Variants in TTLL12 observed in about 807,000 individuals in gnomAD.
TTLL12 encodes tubulin--tyrosine ligase-like protein 12.
TTLL12 carries 77 observed loss-of-function variants against 79.6 expected under a neutral mutation model. The ratio of observed to expected loss-of-function variants is 0.97; its 90% CI spans 0.81 to 1.17. The LOEUF is 1.17. TTLL12 is among the 50% of genes most tolerant of loss of function. The pLI, the probability that TTLL12 is intolerant of heterozygous loss-of-function variation, is 0.00. For synonymous variants in TTLL12, 437 were observed against 376.1 expected (o/e 1.16, Z -1.87); for missense variants, 969 against 895.9 (o/e 1.08, Z -1.04).
chr22:43,177,892 A>C (rs1569485571), intron 5 of TTLL12, among the ~76,000 whole-genome samples: 1 of 152,230 alleles, frequency 6.6e-6, no homozygotes, highest in Non-Finnish European at 1.5e-5. Flanking sequence ...GCTAATCAAC[A>C]TAGGCAACCC....
At position 43,182,495 on chromosome 22, in the gene TTLL12, G is replaced by A. The variant is rs1344432580; in HGVS notation, c.347+485C>T. 2.0e-5 allele frequency among the ~76,000 whole-genome samples: 3 copies of A among 152,190 alleles called. No individual in the cohort carries two copies. The East Asian group carries it at 5.8e-4, about 29-fold the overall frequency. On this transcript the variant is annotated intron_variant, in intron 2 of 13. Coordinates refer to ENST00000216129, the MANE Select transcript of TTLL12 (RefSeq NM_015140.4). Reference sequence around the variant, plus strand: ...CTAGGGATAGCCACTCTTGGTCCCTGGGGGCAGGAAGCCTGGGGTACAGTC... The same window carrying A: ...CTAGGGATAGCCACTCTTGGTCCCTAGGGGCAGGAAGCCTGGGGTACAGTC...
At chr22:43,175,038 C>A (rs1382691888) in intron 6 of TTLL12, among the ~76,000 whole-genome samples, 1 of 152,232 alleles carries the variant, frequency 6.6e-6, no homozygotes, top group Non-Finnish European at 1.5e-5. Flanking sequence ...ACCTTAGGCC[C>A]TGGCCAGGTC....
At chr22:43,186,106 C>G in intron 1 of TTLL12, 7 of 639,270 alleles carry the variant, frequency 1.1e-5, no homozygotes, top group Non-Finnish European at 1.4e-5. Context: ...CTGGGGTTTC[C>G]ACTTCATCAC....
rs1366556739 is a variant in TTLL12, at chr22:43,186,974, C to T, written c.96G>A (p.Ala32=). Residue 32 remains alanine (A), a synonymous_variant, in exon 1 of 14, where the codon GCG becomes GCA. Transcript: ENST00000216129. The part of the protein sequence containing the change: ...EEGAQALAEF[A]ALHGPALRAS... ...CGCGCAGCGCCGGGCCGTGCAGCGC[C>T]GCGAACTCGGCCAAGGCCTGCGCGC... The T allele has an allele frequency of 3.0e-6, 4 of 1,313,576 alleles. No homozygotes were observed. In the African/African-American group the frequency reaches 4.6e-5, roughly 15 times the overall value. The allele number at this position is 1,313,576 out of a possible 1,614,324, so 81.4% of individuals were successfully genotyped here.
chr22:43,175,975 A>G (rs1045883664), intron 6 of TTLL12, among the ~76,000 whole-genome samples: 1 of 149,834 alleles, frequency 6.7e-6, no homozygotes, highest in African/African-American at 2.5e-5. Flanking sequence ...GGCATGAACC[A>G]CTATGCCTGG....
chr22:43,184,297 C>G (rs1932128280), intron 1 of TTLL12, among the ~76,000 whole-genome samples: 1 of 152,236 alleles, frequency 6.6e-6, no homozygotes, highest in Admixed American at 6.5e-5. Flanking sequence ...CTGGGCAGGA[C>G]TTGCCCTTTG....
intron 10 of TTLL12, 102 bp downstream of exon 10, chr22:43,172,301 C>A: frequency 2.8e-6 from 4 of 1,453,894 alleles, no homozygotes; most frequent in Non-Finnish European, 9.4e-7. Context: ...AGGGTGCCTT[C>A]CAACAACATT....
At chr22:43,182,277 T>G (rs914650971) in intron 2 of TTLL12, among the ~76,000 whole-genome samples, 1 of 152,180 alleles carries the variant, frequency 6.6e-6, no homozygotes, top group Non-Finnish European at 1.5e-5. Flanking sequence ...CAAGCACGCA[T>G]GGGCGGGGGT....
intron 5 of TTLL12, among the ~76,000 whole-genome samples, chr22:43,179,122 T>C (rs1931986858): frequency 6.6e-6 from 1 of 152,128 alleles, no homozygotes; most frequent in Non-Finnish European, 1.5e-5. Flanking sequence ...CTGGATGAGC[T>C]CTTACCTCCA....
intron 1 of TTLL12, among the ~76,000 whole-genome samples, chr22:43,183,703 G>T (rs1260204538): frequency 3.9e-5 from 6 of 152,246 alleles, no homozygotes; most frequent in Non-Finnish European, 5.9e-5. Flanking sequence ...AAGGTGGGAT[G>T]GGGAGATAAG....
intron 2 of TTLL12, among the ~76,000 whole-genome samples, chr22:43,182,129 C>T (rs144714255): frequency 6.4e-4 from 96 of 149,632 alleles, no homozygotes; most frequent in African/African-American, 2.0e-3. Context: ...AGGCTGGCAG[C>T]GGGGTATGTG....
chr22:43,169,366 G>T, intron 12 of TTLL12, 134 bp downstream of exon 12: 4 of 767,036 alleles, frequency 5.2e-6, no homozygotes, highest in Non-Finnish European at 8.2e-6. Flanking sequence ...CAGCCTCTGG[G>T]GAGAATGACC....
chr22:43,168,294 C>T (rs1569482861), intron 13 of TTLL12, 135 bp from the exon 14 acceptor site: 9 of 1,298,666 alleles, frequency 6.9e-6, no homozygotes, highest in Non-Finnish European at 9.3e-6. Flanking sequence ...CAGGACAAGG[C>T]CGGGCCTAGA....
chr22:43,180,633 G>A, intron 3 of TTLL12, 109 bp downstream of exon 3: 3 of 1,264,532 alleles, frequency 2.4e-6, no homozygotes, highest in Non-Finnish European at 3.4e-6. Context: ...ACAGGAGAAA[G>A]TGAGTTGCTT....
At chr22:43,169,456 G>C (rs746366349) in intron 12 of TTLL12, 44 bp downstream of exon 12, 3 of 1,518,200 alleles carry the variant, frequency 2.0e-6, no homozygotes, top group Non-Finnish European at 2.7e-6. Flanking sequence ...CCCAGCCCGG[G>C]ACCCGCCCCA....
rs555965668 is a variant in TTLL12, at chr22:43,169,869, G to A, written c.1576-301C>T. 182 of 496,892 alleles carry A rather than the reference G, an allele frequency of 3.7e-4. 1 individual carries two copies. The highest frequency in any genetic ancestry group is 2.3e-3 in the Admixed American group (102 of 43,650). The allele number at this position is 496,892 out of a possible 1,614,324, so 30.8% of individuals were successfully genotyped here. On this transcript the variant is annotated intron_variant, in intron 11 of 13. Coordinates refer to ENST00000216129, the MANE Select transcript of TTLL12 (RefSeq NM_015140.4). ...TGCCACGCAGCTGTGAGGCTCACGC[G>A]AGACAATGAACATCGAGGGCTCCAG...
Position 43,183,091 on chromosome 22 carries a change from TCCTCCTCTTCTA to T in TTLL12, c.224_235del (p.Val75_Glu78del). ...CCGCACCTCCCGGGCTGCCTCGTCC[TCCTCCTCTTCTA>T]CCTCCTCCACTTGCATGATCCCAAA... is the stretch of plus-strand genomic sequence containing the variant. On this transcript the variant is annotated inframe_deletion, in exon 2 of 14. Coordinates refer to ENST00000216129, the MANE Select transcript of TTLL12 (RefSeq NM_015140.4). 1 of 1,613,940 alleles carries T rather than the reference TCCTCCTCTTCTA, an allele frequency of 6.2e-7. No homozygotes were observed. Among genetic ancestry groups the T allele is most frequent in the Non-Finnish European group, 8.5e-7 (1 of 1,179,970 alleles).
Position 43,186,896 on chromosome 22 carries a change from G to A in TTLL12, c.174C>T (p.His58=), listed in dbSNP as rs1932198719. The A allele has an allele frequency of 3.8e-6, 5 of 1,301,914 alleles. No individual in the cohort carries two copies. Among genetic ancestry groups the A allele is most frequent in the African/African-American group, 1.6e-5 (1 of 63,022 alleles). The allele number at this position is 1,301,914 out of a possible 1,614,324, so 80.6% of individuals were successfully genotyped here. Residue 58 remains histidine (H), a synonymous_variant, in exon 1 of 14, where the codon CAC becomes CAT. Coordinates refer to ENST00000216129, the MANE Select transcript of TTLL12 (RefSeq NM_015140.4). ...YWGRLLHKLE[H]EVFDAGEVFG... ...TGCCCGCCGCCCTTCCCCGCACCTC[G>A]TGCTCCAGCTTGTGCAGGAGGCGGC...
Position 43,186,892 on chromosome 22 carries a change from C to T in TTLL12, c.177+1G>A. Reference sequence around the variant, plus strand: ...CACGTGCCCGCCGCCCTTCCCCGCACCTCGTGCTCCAGCTTGTGCAGGAGG... The same window carrying T: ...CACGTGCCCGCCGCCCTTCCCCGCATCTCGTGCTCCAGCTTGTGCAGGAGG... On this transcript the variant is annotated splice_donor_variant, in intron 1 of 13. Transcript: ENST00000216129. LOFTEE classifies it high-confidence loss of function. 1 of 1,299,634 alleles carries T rather than the reference C, an allele frequency of 7.7e-7. No homozygotes were observed. The highest frequency in any genetic ancestry group is 9.8e-7 in the Non-Finnish European group (1 of 1,024,750). 80.5% of individuals were successfully genotyped at this position (1,299,634 alleles called of 1,614,324 possible). A position where few individuals can be genotyped will look rare whatever the true frequency, so the allele number is the denominator to read the frequency against.
Sources: allele counts gnomAD v4.1 joint callset (sites outside exome capture counted in the v4.1 genomes callset), GRCh38; gene constraint gnomAD v4.1.1; transcripts MANE v1.5; gene names NCBI Gene and HGNC (gene_info 2026-07-23, HGNC 2026-07-21).